WLS: variants seen among roughly 807,000 people sequenced by gnomAD.
The protein encoded by WLS is Wnt ligand secretion mediator.
Under a neutral mutation model 62.8 loss-of-function variants are expected in WLS, and 23 were observed. The ratio of observed to expected loss-of-function variants is 0.37; its 90% CI spans 0.26 to 0.52. WLS has a LOEUF of 0.52. WLS is among the 20% of genes least tolerant of loss of function. The probability of loss-of-function intolerance (pLI) is 0.92; values close to 1 mark genes in which losing one functional copy is unlikely to be tolerated. For synonymous variants in WLS, 246 were observed against 244.1 expected, an observed-to-expected ratio of 1.01 and a Z score of -0.07; for missense variants, 615 against 697.3, an observed-to-expected ratio of 0.88 and a Z score of 1.33.
chr1:68,146,727 G>C (rs924510333), intron 8 of WLS, among the ~76,000 whole-genome samples: 7 of 152,132 alleles, frequency 4.6e-5, no homozygotes, highest in African/African-American at 1.7e-4. Context: ...CATGGCACAG[G>C]TGGGAGTCTG....
In WLS at chr1:68,106,393, A is replaced by AGT. The variant is rs558194658; in HGVS notation, c.1511-7642_1511-7641dup. Among the ~76,000 whole-genome samples, 515 of 152,214 alleles carry AGT rather than the reference A, an allele frequency of 3.4e-3. 3 individuals are homozygous for AGT. Among genetic ancestry groups the AGT allele is most frequent in the African/African-American group, 0.012 (502 of 41,524 alleles). ...GGTGATGATGTCCTCAGAATTTCCCAGTGTGTGTGACCTCTGCAGCTTGAG... is the reference window on the plus strand; with the variant it reads ...GGTGATGATGTCCTCAGAATTTCCCAGTGTGTGTGTGACCTCTGCAGCTTGAG... On this transcript the variant is annotated intron_variant, in intron 11 of 11. Transcript: ENST00000354777.
downstream of WLS, among the ~76,000 whole-genome samples, chr1:68,124,817 C>T (rs1308262904): frequency 6.6e-6 from 1 of 152,190 alleles, no homozygotes; most frequent in East Asian, 1.9e-4. Flanking sequence ...TGCCCCAGAC[C>T]TCCAGACCTC....
Position 68,126,125 on chromosome 1 carries a change from G to A in WLS, c.*101C>T, listed in dbSNP as rs1405114749. 5.9e-6 allele frequency: 9 copies of A among 1,519,044 alleles called. No homozygotes were observed. The African/African-American group carries it at 1.2e-4, about 21-fold the overall frequency. 94.1% of individuals were successfully genotyped at this position (1,519,044 alleles called of 1,614,324 possible). A position where few individuals can be genotyped will look rare whatever the true frequency, so the allele number is the denominator to read the frequency against. ...CCAAGAAACCACAGCTAAGAGCCAT[G>A]AGGCATTCATTTGTACATTGAGCTC... On this transcript the variant is annotated 3_prime_UTR_variant, in exon 12 of 12. Transcript: ENST00000262348.
chr1:68,179,877 G>A (rs922714478), intron 2 of WLS, among the ~76,000 whole-genome samples: 1 of 152,056 alleles, frequency 6.6e-6, no homozygotes, highest in Admixed American at 6.5e-5. Flanking sequence ...GGTAGATCTC[G>A]AATTACTGAA....
At chr1:68,228,392 A>T in intron 1 of WLS, 1 of 287,336 alleles carries the variant, frequency 3.5e-6, no homozygotes, top group African/African-American at 2.2e-5. Context: ...AGCTGAGCAA[A>T]TTGCACATAA....
At chr1:68,231,296 C>A (rs1025562381) in intron 1 of WLS, among the ~76,000 whole-genome samples, 30 of 151,974 alleles carry the variant, frequency 2.0e-4, no homozygotes, top group African/African-American at 7.0e-4. Context: ...GGAGGTCTCC[C>A]GGGGCGGGCG....
At chr1:68,202,850 T>C (rs1469384025) in intron 1 of WLS, 1 of 152,170 alleles carries the variant, frequency 6.6e-6, no homozygotes, top group Non-Finnish European at 1.5e-5. Flanking sequence ...GCCCCCAAAG[T>C]GGCTCTGGCA....
chr1:68,133,489 C>T (rs1007085835), intron 11 of WLS, among the ~76,000 whole-genome samples: 2 of 152,076 alleles, frequency 1.3e-5, no homozygotes, highest in Admixed American at 6.5e-5. Flanking sequence ...GTCACTCCTT[C>T]GAGCTTCACT....
chr1:68,225,243 AC>A (rs1352117134), intron 1 of WLS, among the ~76,000 whole-genome samples: 1 of 152,174 alleles, frequency 6.6e-6, no homozygotes, highest in Admixed American at 6.5e-5. Flanking sequence ...TATAAATTAT[AC>A]ATCATTATTT....
At chr1:68,231,703 C>T (rs1312301194) in intron 1 of WLS, 1 of 458,102 alleles carries the variant, frequency 2.2e-6, no homozygotes, top group East Asian at 6.9e-5. Context: ...CATTTACAAC[C>T]GTGCAAGTAT....
chr1:68,210,846 C>T (rs10889751), intron 1 of WLS, among the ~76,000 whole-genome samples: 63,012 of 151,868 alleles, frequency 0.41, 14,970 homozygotes, highest in Non-Finnish European at 0.56. Context: ...AGGATTTTTC[C>T]CCTCTGTTCT....
intron 1 of WLS, chr1:68,231,636 G>A: frequency 2.4e-6 from 1 of 419,016 alleles, no homozygotes; most frequent in Non-Finnish European, 4.9e-6. Flanking sequence ...AGCAGAGGGC[G>A]CGAAGGTCGG....
intron 11 of WLS, among the ~76,000 whole-genome samples, chr1:68,101,569 C>T (rs1646078727): frequency 1.3e-5 from 2 of 152,158 alleles, no homozygotes; most frequent in African/African-American, 2.4e-5. Context: ...CTAGTGTGTT[C>T]CTGAGAGTGC....
intron 11 of WLS, among the ~76,000 whole-genome samples, chr1:68,103,993 G>T (rs1646111620): frequency 6.6e-6 from 1 of 152,142 alleles, no homozygotes; most frequent in East Asian, 1.9e-4. Context: ...CATAAGACAT[G>T]CCCTACCTCT....
At chr1:68,108,734 G>A (rs149422015) in intron 11 of WLS, among the ~76,000 whole-genome samples, 9 of 152,216 alleles carry the variant, frequency 5.9e-5, no homozygotes, top group East Asian at 5.8e-4. Context: ...TGACCATAAT[G>A]TACAGCTCAA....
chr1:68,178,209 T>C (rs1276702534), intron 2 of WLS, among the ~76,000 whole-genome samples: 1 of 152,182 alleles, frequency 6.6e-6, no homozygotes, highest in Non-Finnish European at 1.5e-5. Flanking sequence ...TTTCCGTGAG[T>C]TAATCATTTC....
chr1:68,174,814 A>C (rs1647208975), intron 2 of WLS, among the ~76,000 whole-genome samples: 1 of 152,080 alleles, frequency 6.6e-6, no homozygotes, highest in Non-Finnish European at 1.5e-5. Context: ...ATCTCATCAA[A>C]TGGTTTATGA....
At position 68,131,087 on chromosome 1, in the gene WLS, T is replaced by TG. The variant is rs1557462863; in HGVS notation, c.1517-4753_1517-4752insC. 9.4e-4 allele frequency among the ~76,000 whole-genome samples: 100 copies of TG among 105,834 alleles called. 1 individual carries two copies. Among genetic ancestry groups the TG allele is most frequent in the African/African-American group, 1.5e-3 (50 of 33,916 alleles). 69.4% of individuals were successfully genotyped at this position (105,834 alleles called of 152,430 possible). A position where few individuals can be genotyped will look rare whatever the true frequency, so the allele number is the denominator to read the frequency against. On this transcript the variant is annotated intron_variant, in intron 11 of 11. Coordinates refer to ENST00000262348, the MANE Select transcript of WLS (RefSeq NM_024911.7). ...TTGTGTGTGTGTGTGTGTGTGTGTG[T>TG]TTTTAAGTAGAGACAGGGTTTCACC...
intron 9 of WLS, 51 bp downstream of exon 9, chr1:68,145,818 G>A (rs1646745244): frequency 1.2e-6 from 2 of 1,607,440 alleles, no homozygotes; most frequent in Non-Finnish European, 1.7e-6. Flanking sequence ...CACATCAAGT[G>A]GAAAGATCAA....
Sources: allele counts gnomAD v4.1 joint callset (sites outside exome capture counted in the v4.1 genomes callset), GRCh38; gene constraint gnomAD v4.1.1; transcripts MANE v1.5; gene names NCBI Gene and HGNC (gene_info 2026-07-23, HGNC 2026-07-21).